NFIA: variants seen among roughly 807,000 people sequenced by gnomAD.
The protein encoded by NFIA is nuclear factor 1 A-type.
NFIA carries 8 observed loss-of-function variants against 62.8 expected under a neutral mutation model. The ratio of observed to expected loss-of-function variants is 0.13; its 90% CI spans 0.07 to 0.23. NFIA has a LOEUF of 0.23. NFIA is among the 10% of genes least tolerant of loss of function. The pLI is 1.00. For missense variants in NFIA, 410 were observed against 642.1 expected (o/e 0.64, Z 3.91); for synonymous variants, 235 against 238.1 (o/e 0.99, Z 0.12).
chr1:61,389,616 C>T (rs549326389), intron 7 of NFIA, among the ~76,000 whole-genome samples: 23 of 152,260 alleles, frequency 1.5e-4, no homozygotes, highest in South Asian at 4.1e-4. Flanking sequence ...TTTTCTCCCC[C>T]GACTGGGAGA....
chr1:61,118,332 A>T (rs1398861680), intron 2 of NFIA, among the ~76,000 whole-genome samples: 1 of 152,220 alleles, frequency 6.6e-6, no homozygotes, highest in East Asian at 1.9e-4. Flanking sequence ...TTTTCAATCA[A>T]TATTATTTTA....
chr1:61,359,369 C>A, intron 6 of NFIA, 95 bp downstream of exon 6: 1 of 1,552,722 alleles, frequency 6.4e-7, no homozygotes, highest in Non-Finnish European at 8.8e-7. Context: ...AGAAAGAAAG[C>A]TCAAGGTAGT....
chr1:61,398,386 C>G (rs1270284974), intron 7 of NFIA, among the ~76,000 whole-genome samples: 1 of 152,106 alleles, frequency 6.6e-6, no homozygotes, highest in African/African-American at 2.4e-5. Flanking sequence ...TTGTGTGGGT[C>G]TTTCTTTTTC....
At chr1:61,128,293 A>G (rs1647010913) in intron 2 of NFIA, among the ~76,000 whole-genome samples, 1 of 151,702 alleles carries the variant, frequency 6.6e-6, no homozygotes, top group African/African-American at 2.4e-5. Context: ...AGTGGACCGC[A>G]GTGAGATATG....
At chr1:61,348,472 A>G (rs1452646630) in intron 4 of NFIA, among the ~76,000 whole-genome samples, 1 of 152,226 alleles carries the variant, frequency 6.6e-6, no homozygotes, top group Non-Finnish European at 1.5e-5. Flanking sequence ...GGGACGTGCC[A>G]GGCCACCTGG....
intron 2 of NFIA, among the ~76,000 whole-genome samples, chr1:61,177,055 A>C (rs190144768): frequency 6.6e-6 from 1 of 152,038 alleles, no homozygotes. Flanking sequence ...GCAGTGAGCC[A>C]AGATCGCACC....
chr1:61,098,940 A>G (rs76479717), intron 2 of NFIA, among the ~76,000 whole-genome samples: 8,999 of 152,274 alleles, frequency 0.059, 364 homozygotes, highest in African/African-American at 0.11. Flanking sequence ...ATATATATAT[A>G]TGTATACACA....
At chr1:61,389,852 T>G (rs1285981650) in intron 7 of NFIA, among the ~76,000 whole-genome samples, 2 of 152,180 alleles carry the variant, frequency 1.3e-5, no homozygotes, top group Non-Finnish European at 2.9e-5. Flanking sequence ...CACGCCACTT[T>G]AGAGACAGTT....
rs114305280 is a variant in NFIA at position 61,444,137 on chromosome 1, A to T, written c.1513-11166A>T. 2.5e-3 allele frequency among the ~76,000 whole-genome samples: 383 copies of T among 152,350 alleles called. 1 individual carries two copies. Among genetic ancestry groups the T allele is most frequent in the African/African-American group, 8.8e-3 (366 of 41,592 alleles). On this transcript the variant is annotated intron_variant, in intron 10 of 10. Coordinates refer to ENST00000403491, the MANE Select transcript of NFIA (RefSeq NM_001134673.4). ...TAATATTTGAAGAGAATCAACGTGC[A>T]TTGACCATTTCCACAGAAAGCTGAA...
intron 1 of NFIA, among the ~76,000 whole-genome samples, chr1:61,084,267 A>C (rs961978405): frequency 6.6e-5 from 10 of 152,244 alleles, no homozygotes; most frequent in Admixed American, 5.9e-4. Flanking sequence ...TTTATTTCCC[A>C]CATGACATCC....
Position 61,462,734 on chromosome 1 carries a change from A to G in NFIA, c.*7414A>G, listed in dbSNP as rs1221863203. 6.6e-6 allele frequency: 1 copy of G among 152,242 alleles called. No homozygotes were observed. Among genetic ancestry groups the G allele is most frequent in the African/African-American group, 2.4e-5 (1 of 41,450 alleles). 9.4% of individuals were successfully genotyped at this position (152,242 alleles called of 1,614,324 possible). A position where few individuals can be genotyped will look rare whatever the true frequency, so the allele number is the denominator to read the frequency against. On this transcript the variant is annotated 3_prime_UTR_variant, in exon 11 of 11. Transcript: ENST00000403491. ...ACATTACAATACAATTACTGGAAGC[A>G]AGTACTGCATTTCCTATGCAACAAA...
At chr1:61,391,890 A>G (rs1323110970) in intron 7 of NFIA, among the ~76,000 whole-genome samples, 1 of 152,244 alleles carries the variant, frequency 6.6e-6, no homozygotes, top group Non-Finnish European at 1.5e-5. Context: ...CAATTGAATC[A>G]TCTCAGGAAA....
At chr1:61,440,074 T>G (rs908992992) in intron 10 of NFIA, among the ~76,000 whole-genome samples, 1 of 152,186 alleles carries the variant, frequency 6.6e-6, no homozygotes, top group African/African-American at 2.4e-5. Context: ...ACATAAAGAT[T>G]CCTGCCAACT....
chr1:61,094,171 A>C (rs927008886), intron 2 of NFIA, among the ~76,000 whole-genome samples: 1 of 152,226 alleles, frequency 6.6e-6, no homozygotes, highest in Non-Finnish European at 1.5e-5. Flanking sequence ...TCCCATGGTT[A>C]TTTAAGGGTT....
chr1:61,395,360 G>A (rs1038906131), intron 7 of NFIA, among the ~76,000 whole-genome samples: 2 of 150,826 alleles, frequency 1.3e-5, no homozygotes, highest in African/African-American at 2.4e-5. Context: ...TACGCAAGAA[G>A]CATCTGCATG....
At chr1:61,387,521 A>C (rs1395629961) in intron 7 of NFIA, among the ~76,000 whole-genome samples, 12 of 140,640 alleles carry the variant, frequency 8.5e-5, no homozygotes, top group Admixed American at 8.2e-4. Flanking sequence ...CAGTACTTTC[A>C]AAGTGAAACC....
At chr1:61,183,396 T>G (rs74324368) in intron 2 of NFIA, among the ~76,000 whole-genome samples, 2 of 152,312 alleles carry the variant, frequency 1.3e-5, no homozygotes, top group African/African-American at 2.4e-5. Context: ...GTGGTTTGGC[T>G]CATTCAAGCC....
At chr1:61,307,308 C>G (rs1014244461) in intron 3 of NFIA, among the ~76,000 whole-genome samples, 1 of 152,166 alleles carries the variant, frequency 6.6e-6, no homozygotes, top group Non-Finnish European at 1.5e-5. Context: ...AGAGAGCTAG[C>G]TAGCCCTTCT....
intron 5 of NFIA, among the ~76,000 whole-genome samples, chr1:61,358,456 G>A (rs1423050371): frequency 7.6e-6 from 1 of 131,234 alleles, no homozygotes; most frequent in Non-Finnish European, 1.5e-5. Flanking sequence ...GCACGATCTC[G>A]GCTCACTGCA....
Sources: allele counts gnomAD v4.1 joint callset (sites outside exome capture counted in the v4.1 genomes callset), GRCh38; gene constraint gnomAD v4.1.1; transcripts MANE v1.5; gene names NCBI Gene and HGNC (gene_info 2026-07-23, HGNC 2026-07-21).